JAKMIP1: variants seen among roughly 807,000 people sequenced by gnomAD.
JAKMIP1 encodes the protein janus kinase and microtubule interacting protein 1.
In JAKMIP1, 33 loss-of-function variants were observed where a neutral mutation model predicts 113.0. The observed-to-expected ratio is 0.29, with a 90% CI of 0.22 to 0.39. The LOEUF is 0.39. Among genes scored for constraint, JAKMIP1 ranks in the 10% least tolerant of loss-of-function variants. The probability of loss-of-function intolerance (pLI) is 1.00; values close to 1 mark genes in which losing one functional copy is unlikely to be tolerated. For synonymous variants in JAKMIP1, 480 were observed against 459.9 expected (o/e 1.04, Z -0.56); for missense variants, 813 against 1,080.5 (o/e 0.75, Z 3.47).
At chr4:6,090,905 G>C (rs1032237731) in intron 3 of JAKMIP1, among the ~76,000 whole-genome samples, 55 of 149,978 alleles carry the variant, frequency 3.7e-4, no homozygotes, top group Admixed American at 3.6e-3. Context: ...CGTCCTTAGA[G>C]TGTCAAAACC....
At position 6,105,733 on chromosome 4, in the gene JAKMIP1, C is replaced by T. The variant is rs557009257; in HGVS notation, c.364G>A (p.Asp122Asn). The part of the protein sequence containing the change: ...RLQATLNVLR[D>N]GAADKVKTAL... ...GTCTTGACCTTGTCGGCCGCGCCGT[C>T]GCGCAGCACGTTCAGCGTGGCCTGC... Residue 122 changes from aspartate (D) to asparagine (N), a missense_variant, in exon 3 of 21, where the codon GAC (aspartate) becomes AAC (asparagine). By Grantham distance (23) the Asp-to-Asn change is conservative. Coordinates refer to ENST00000409021, the MANE Select transcript of JAKMIP1 (RefSeq NM_001099433.2). The T allele has an allele frequency of 1.2e-6, 2 of 1,601,392 alleles. No individual in the cohort carries two copies. The highest frequency in any genetic ancestry group is 1.7e-4 in the Middle Eastern group (1 of 6,012).
chr4:6,063,653 G>C (rs1221503501), intron 9 of JAKMIP1, among the ~76,000 whole-genome samples: 1 of 152,222 alleles, frequency 6.6e-6, no homozygotes, highest in Non-Finnish European at 1.5e-5. Context: ...AGAGCAAAGA[G>C]AGGGCCACCT....
intron 3 of JAKMIP1, 68 bp downstream of exon 3, chr4:6,105,405 G>C (rs1032271817): frequency 4.2e-6 from 6 of 1,445,710 alleles, no homozygotes; most frequent in Non-Finnish European, 5.6e-6. Flanking sequence ...TCGGAGCTCC[G>C]CATTTCCCCC....
intron 1 of JAKMIP1, among the ~76,000 whole-genome samples, chr4:6,169,337 A>G (rs1724045304): frequency 6.6e-6 from 1 of 152,140 alleles, no homozygotes; most frequent in Non-Finnish European, 1.5e-5. Context: ...TCCTTATAAA[A>G]GATACTCAGA....
Position 6,189,388 on chromosome 4 carries a change from T to A in JAKMIP1, c.-148+10865A>T, listed in dbSNP as rs193208381. 3.1e-3 allele frequency among the ~76,000 whole-genome samples: 465 copies of A among 152,332 alleles called. 1 individual carries two copies. The highest frequency in any genetic ancestry group is 4.6e-3 in the Non-Finnish European group (315 of 68,020). On this transcript the variant is annotated intron_variant, in intron 1 of 20. Coordinates refer to ENST00000409021, the MANE Select transcript of JAKMIP1 (RefSeq NM_001099433.2). ...CCCCAAGCATTATAGTATCTGAGGC[T>A]CAGACAATTGACTGTCACTAGAGGT...
intron 8 of JAKMIP1, among the ~76,000 whole-genome samples, chr4:6,073,077 TA>T (rs5855900): frequency 0.31 from 37,965 of 123,866 alleles, 5,967 homozygotes; most frequent in East Asian, 0.57. Context: ...AACTCTGTCT[TA>T]AAAAAAAAAA....
At chr4:6,125,270 G>A (rs1717246172) in intron 1 of JAKMIP1, among the ~76,000 whole-genome samples, 1 of 152,024 alleles carries the variant, frequency 6.6e-6, no homozygotes, top group South Asian at 2.1e-4. Context: ...AGCAGCGGGA[G>A]CACCCCCACC....
chr4:6,056,181 G>A (rs1041743885), intron 12 of JAKMIP1, among the ~76,000 whole-genome samples: 2 of 148,530 alleles, frequency 1.3e-5, no homozygotes, highest in South Asian at 2.2e-4. Flanking sequence ...TGTCTGCAGA[G>A]GTTGGGACCT....
At position 6,180,789 on chromosome 4, in the gene JAKMIP1, G is replaced by C. The variant is rs1725933331; in HGVS notation, c.-148+19464C>G. 1.3e-5 allele frequency among the ~76,000 whole-genome samples: 2 copies of C among 152,170 alleles called. No individual in the cohort carries two copies. Among genetic ancestry groups the C allele is most frequent in the African/African-American group, 4.8e-5 (2 of 41,438 alleles). ...GTGACATTTAATTTTCTGTCAACGT[G>C]CTTTGTTCTCAGAGGGCCATGGCAC... On this transcript the variant is annotated intron_variant, in intron 1 of 20. Coordinates refer to ENST00000409021, the MANE Select transcript of JAKMIP1 (RefSeq NM_001099433.2). This position sits in a 1 kb window ranked among gnomAD's most constrained non-coding sequence, Gnocchi z 4.5.
In JAKMIP1 at chr4:6,180,679, G is replaced by A. The variant is rs1725919576; in HGVS notation, c.-148+19574C>T. 6.6e-6 allele frequency among the ~76,000 whole-genome samples: 1 copy of A among 152,188 alleles called. No individual in the cohort carries two copies. On this transcript the variant is annotated intron_variant, in intron 1 of 20. Coordinates refer to ENST00000409021, the MANE Select transcript of JAKMIP1 (RefSeq NM_001099433.2). This position sits in a 1 kb window ranked among gnomAD's most constrained non-coding sequence, Gnocchi z 4.5. The stretch of plus-strand genomic sequence containing the variant: ...GTACCCCCATTTTAATGGACCAGCA[G>A]GAAGGGGTGAAGTACTTTGACCAAC...
Position 6,048,879 on chromosome 4 carries a change from G to T in JAKMIP1, c.2006C>A (p.Thr669Asn), listed in dbSNP as rs1197349272. 11 of 1,613,872 alleles carry T rather than the reference G, an allele frequency of 6.8e-6. No homozygotes were observed. Among genetic ancestry groups the T allele is most frequent in the Admixed American group, 1.7e-5 (1 of 60,012 alleles). The change falls in exon 16 of 21, where the codon ACT (threonine) becomes AAT (asparagine). Residue 669 changes from threonine (T) to asparagine (N), a missense_variant. By Grantham distance (65) the Thr-to-Asn change is moderately conservative. This residue lies in a region of JAKMIP1 where 273 missense variants were observed against 426.6 expected (regional missense o/e 0.64). Coordinates refer to ENST00000409021, the MANE Select transcript of JAKMIP1 (RefSeq NM_001099433.2). ...TACCTTTTCACACAGGGCAAGCACA[G>T]TTCCAGCTTGGATTATTGCAACCTG... Reference protein sequence around the residue: ...EEQVAIIQAGTVLALCEKWLK... With the variant: ...EEQVAIIQAGNVLALCEKWLK...
intron 1 of JAKMIP1, among the ~76,000 whole-genome samples, chr4:6,114,626 G>C (rs971280096): frequency 6.6e-6 from 1 of 152,236 alleles, no homozygotes; most frequent in Non-Finnish European, 1.5e-5. Context: ...CTGAACAGGA[G>C]AGAGGGGTGT....
rs1381950907 is a variant in JAKMIP1 at position 6,149,178 on chromosome 4, A to T, written c.-147-36181T>A. On this transcript the variant is annotated intron_variant, in intron 1 of 20. Transcript: ENST00000409021. ...CTGAATGCTTTGTCGGGTCTTTTTA[A>T]AATAAGTAAGCTTTTTAACTACATA... Among the ~76,000 whole-genome samples the T allele has an allele frequency of 2.6e-5, 4 of 152,230 alleles. No homozygotes were observed. In the East Asian group the frequency reaches 7.7e-4, roughly 29 times the overall value.
chr4:6,068,225 T>C (rs1014372139), intron 8 of JAKMIP1, among the ~76,000 whole-genome samples: 2 of 152,198 alleles, frequency 1.3e-5, no homozygotes, highest in East Asian at 1.9e-4. Flanking sequence ...CAAGCCCTAA[T>C]ACAGGGCATT....
intron 2 of JAKMIP1, among the ~76,000 whole-genome samples, chr4:6,109,821 C>T (rs1714624174): frequency 1.3e-5 from 2 of 152,118 alleles, no homozygotes; most frequent in African/African-American, 2.4e-5. Flanking sequence ...CACTTCAATG[C>T]AATTGTAAAG....
intron 1 of JAKMIP1, among the ~76,000 whole-genome samples, chr4:6,172,944 C>A (rs1233503467): frequency 6.6e-6 from 1 of 152,192 alleles, no homozygotes; most frequent in African/African-American, 2.4e-5. Flanking sequence ...CAGATGATTG[C>A]ACTGGGGTGA....
At position 6,185,814 on chromosome 4, in the gene JAKMIP1, A is replaced by G. The variant is rs899938507; in HGVS notation, c.-148+14439T>C. On this transcript the variant is annotated intron_variant, in intron 1 of 20. Coordinates refer to ENST00000409021, the MANE Select transcript of JAKMIP1 (RefSeq NM_001099433.2). The surrounding 1 kb of genome is among the most constrained non-coding windows in gnomAD (Gnocchi z 5.3). ...CTGTTCACTACAAACCCTCCTGATT[A>G]AGGCTCATTAAGGCAGGTGTTCTAG... Among the ~76,000 whole-genome samples, 1 of 152,188 alleles carries G rather than the reference A, an allele frequency of 6.6e-6. No homozygotes were observed. The highest frequency in any genetic ancestry group is 1.5e-5 in the Non-Finnish European group (1 of 68,028).
chr4:6,062,121 G>A (rs896596110), intron 10 of JAKMIP1, among the ~76,000 whole-genome samples, 191 bp downstream of exon 10: 4 of 152,212 alleles, frequency 2.6e-5, no homozygotes, highest in African/African-American at 4.8e-5. Context: ...GTTCCAGAGC[G>A]CCTGCCATCA....
rs1447543714 is a variant in JAKMIP1, at chr4:6,076,421, T to C, written c.1302+2518A>G. 6.6e-6 allele frequency among the ~76,000 whole-genome samples: 1 copy of C among 152,166 alleles called. No homozygotes were observed. The highest frequency in any genetic ancestry group is 1.9e-4 in the East Asian group (1 of 5,172). On this transcript the variant is annotated intron_variant, in intron 8 of 20. Transcript: ENST00000409021. The surrounding 1 kb of genome is among the most constrained non-coding windows in gnomAD (Gnocchi z 4.8). Reference sequence around the variant, plus strand: ...CTATATTATATATATATATGTCTTCTGTAGCTGTAAAATTGAAAAAATAAT... The same window carrying C: ...CTATATTATATATATATATGTCTTCCGTAGCTGTAAAATTGAAAAAATAAT...
Sources: gnomAD v4.1 joint callset for allele counts (sites outside exome capture counted in the v4.1 genomes callset) on GRCh38, gnomAD v4.1.1 for gene constraint, gnomAD v4.1.1 regional missense constraint, Gnocchi (gnomAD v3.1) non-coding constraint, MANE v1.5 for transcripts, NCBI Gene and HGNC (gene_info 2026-07-23, HGNC 2026-07-21) for gene names.